The following CAST variants were observed in gnomAD, a reference collection of about 807,000 sequenced individuals.
The protein encoded by CAST is calpastatin, also known as MIR583 host.
A neutral mutation model predicts 119.6 loss-of-function variants in CAST; 76 were observed. The observed-to-expected ratio is 0.64, with a 90% CI of 0.53 to 0.77. The LOEUF (loss-of-function observed/expected upper bound fraction) is 0.77, where lower values mean the gene tolerates loss of function less well. CAST is among the 30% of genes least tolerant of loss of function. The pLI, the probability that CAST is intolerant of heterozygous loss-of-function variation, is 0.00. For missense variants in CAST, 953 were observed against 946.5 expected, an observed-to-expected ratio of 1.01 and a Z score of -0.09; for synonymous variants, 319 against 331.6, an observed-to-expected ratio of 0.96 and a Z score of 0.41.
At chr5:96,433,071 G>A in the CAST span, 6 of 1,607,224 alleles carry the variant, frequency 3.7e-6, no homozygotes, top group African/African-American at 1.3e-5. Flanking sequence ...AACAAGAGTG[G>A]GAAGGGAAGA....
At chr5:96,033,959 A>G in the CAST span, among the ~76,000 whole-genome samples, 13 of 152,156 alleles carry the variant, frequency 8.5e-5, no homozygotes, top group Non-Finnish European at 4.4e-5. Flanking sequence ...GAATAACAAG[A>G]AAACAAATCA....
chr5:95,967,895 T>A, the CAST span, among the ~76,000 whole-genome samples: 3 of 152,214 alleles, frequency 2.0e-5, no homozygotes, highest in Non-Finnish European at 4.4e-5. Context: ...AGTTACACTA[T>A]CTCTGAATTT....
chr5:96,331,876 A>G, the CAST span, among the ~76,000 whole-genome samples: 1 of 152,244 alleles, frequency 6.6e-6, no homozygotes, highest in African/African-American at 2.4e-5. Context: ...TGATAGTGAT[A>G]TGGAGAGGAA....
the CAST span, among the ~76,000 whole-genome samples, chr5:96,026,399 C>T: frequency 6.6e-6 from 1 of 152,102 alleles, no homozygotes; most frequent in Non-Finnish European, 1.5e-5. Context: ...AGACTCTGGG[C>T]CCTCTTCTTC....
At chr5:96,266,268 C>T in the CAST span, among the ~76,000 whole-genome samples, 1 of 152,162 alleles carries the variant, frequency 6.6e-6, no homozygotes, top group African/African-American at 2.4e-5. Flanking sequence ...AAATTTCCCC[C>T]AACCCATGGT....
intron 1 of CAST, among the ~76,000 whole-genome samples, chr5:96,652,264 C>A (rs1410830984): frequency 6.6e-6 from 1 of 152,158 alleles, no homozygotes; most frequent in African/African-American, 2.4e-5. Flanking sequence ...ATTGGCTTTG[C>A]TTTGTTTGAT....
chr5:96,474,691 T>A, the CAST span, among the ~76,000 whole-genome samples: 4 of 152,126 alleles, frequency 2.6e-5, no homozygotes, highest in South Asian at 2.1e-4. Flanking sequence ...GTCACATGAG[T>A]AACCAGCATT....
chr5:95,993,783 A>G, the CAST span, among the ~76,000 whole-genome samples: 1 of 152,160 alleles, frequency 6.6e-6, no homozygotes, highest in East Asian at 1.9e-4. Flanking sequence ...ACAACCAATA[A>G]TAAGAAAACA....
the CAST span, among the ~76,000 whole-genome samples, chr5:96,009,205 T>G: frequency 6.6e-6 from 1 of 152,240 alleles, no homozygotes; most frequent in African/African-American, 2.4e-5. Flanking sequence ...CTCTATCCAA[T>G]CCACCACTGA....
At chr5:96,729,573 T>G (rs555679295) in intron 7 of CAST, 39 bp from the exon 8 acceptor site, 24 of 813,248 alleles carry the variant, frequency 3.0e-5, no homozygotes, top group Non-Finnish European at 4.9e-5. Flanking sequence ...GTTAACAATG[T>G]CTTTATATGT....
the CAST span, among the ~76,000 whole-genome samples, chr5:96,139,797 C>T: frequency 6.6e-6 from 1 of 151,796 alleles, no homozygotes; most frequent in Non-Finnish European, 1.5e-5. Flanking sequence ...TAATATTCCC[C>T]TTCTAATTAC....
At chr5:95,967,235 T>C in the CAST span, among the ~76,000 whole-genome samples, 2 of 152,098 alleles carry the variant, frequency 1.3e-5, no homozygotes, top group South Asian at 2.1e-4. Flanking sequence ...AGAATGATTT[T>C]GATAATTAAT....
chr5:96,136,875 T>C, the CAST span, among the ~76,000 whole-genome samples: 1 of 152,158 alleles, frequency 6.6e-6, no homozygotes, highest in Non-Finnish European at 1.5e-5. Context: ...GAGTTCAATA[T>C]TTATGACAGT....
the CAST span, among the ~76,000 whole-genome samples, chr5:96,230,707 A>G: frequency 1.3e-5 from 2 of 152,182 alleles, no homozygotes; most frequent in African/African-American, 4.8e-5. Context: ...AGGTGAAAAG[A>G]AGGTCTATAG....
the CAST span, among the ~76,000 whole-genome samples, chr5:96,156,294 A>G: frequency 2.0e-5 from 3 of 152,190 alleles, no homozygotes; most frequent in African/African-American, 7.2e-5. Flanking sequence ...GGGGTAATTC[A>G]CGATGTGGTA....
At chr5:96,006,379 CA>C in the CAST span, among the ~76,000 whole-genome samples, 70 of 145,924 alleles carry the variant, frequency 4.8e-4, no homozygotes, top group East Asian at 2.4e-3. Flanking sequence ...AGAAAAATCG[CA>C]AAAAAAAAAA....
the CAST span, among the ~76,000 whole-genome samples, chr5:96,073,816 C>G: frequency 6.6e-6 from 1 of 152,172 alleles, no homozygotes; most frequent in East Asian, 1.9e-4. Flanking sequence ...TGGACCACTA[C>G]CGGTTCTTTG....
the CAST span, among the ~76,000 whole-genome samples, chr5:96,046,471 C>T: frequency 6.6e-6 from 1 of 152,034 alleles, no homozygotes; most frequent in African/African-American, 2.4e-5. Context: ...ATCTTCACTC[C>T]ACCATAAGTT....
rs538126201 is a variant in CAST at position 96,746,436 on chromosome 5, A to C, written c.1284+11A>C. ...TTAAAACCAGCCACGGTAAATTTTT[A>C]GCCACAGTGCATGACAACAGCATCT... On this transcript the variant is annotated intron_variant, in intron 17 of 31. Coordinates refer to ENST00000675179, the MANE Select transcript of CAST (RefSeq NM_001750.7). 3 of 1,500,358 alleles carry C rather than the reference A, an allele frequency of 2.0e-6. No homozygotes were observed. In the African/African-American group the frequency reaches 4.1e-5, roughly 21 times the overall value. The allele number at this position is 1,500,358 out of a possible 1,614,324, so 92.9% of individuals were successfully genotyped here.
Sources: gnomAD v4.1 joint callset for allele counts (sites outside exome capture counted in the v4.1 genomes callset) on GRCh38, gnomAD v4.1.1 for gene constraint, MANE v1.5 for transcripts, NCBI Gene and HGNC (gene_info 2026-07-23, HGNC 2026-07-21) for gene names.